Variants in TXNDC9 observed in about 807,000 individuals in gnomAD.
TXNDC9 encodes thioredoxin domain containing 9.
TXNDC9 carries 7 observed loss-of-function variants against 23.0 expected under a neutral mutation model. The ratio of observed to expected loss-of-function variants is 0.30; its 90% CI spans 0.17 to 0.57. TXNDC9 has a LOEUF of 0.57. TXNDC9 is among the 20% of genes least tolerant of loss of function. TXNDC9 has a pLI of 0.90. For missense variants in TXNDC9, 198 were observed against 252.6 expected (o/e 0.78, Z 1.47); for synonymous variants, 72 against 90.6 (o/e 0.79, Z 1.17).
chr2:99,316,978 G>A (rs139723776), downstream of TXNDC9, among the ~76,000 whole-genome samples: 1,951 of 152,136 alleles, frequency 0.013, 41 homozygotes, highest in African/African-American at 0.044. Flanking sequence ...GGACGGTCTC[G>A]ATCTCCCGAC....
At position 99,319,721 on chromosome 2, in the gene TXNDC9, G is replaced by C; in HGVS notation, c.642C>G (p.Ile214Met). 1 of 1,604,436 alleles carries C rather than the reference G, an allele frequency of 6.2e-7. No homozygotes were observed. Among genetic ancestry groups the C allele is most frequent in the Non-Finnish European group, 8.5e-7 (1 of 1,177,046 alleles). The change falls in exon 5 of 5, where the codon ATC becomes ATG. Residue 214 changes from isoleucine (I) to methionine (M), a missense_variant. By Grantham distance (10) the Ile-to-Met change is conservative (BLOSUM62 1). Transcript: ENST00000264255. ...AGTCTGAATCATATTTCTTTCCTCG[G>C]ATAGTTTTCTTTTCCAGCTTTGTGA... ...TNFTKLEKKT[I>M]RGKKYDSDSD...
intron 2 of TXNDC9, among the ~76,000 whole-genome samples, chr2:99,329,332 G>A (rs1003867657): frequency 5.9e-5 from 9 of 152,064 alleles, no homozygotes; most frequent in African/African-American, 2.2e-4. Flanking sequence ...GATTTCTAGA[G>A]TTCCTACTCT....
At chr2:99,327,424 T>G in intron 3 of TXNDC9, 111 bp downstream of exon 3, 1 of 778,374 alleles carries the variant, frequency 1.3e-6, no homozygotes, top group South Asian at 1.7e-5. Flanking sequence ...TGAAACAACT[T>G]AGGAAGTTTT....
chr2:99,335,275 T>C (rs1238994452), intron 1 of TXNDC9, among the ~76,000 whole-genome samples: 2 of 152,210 alleles, frequency 1.3e-5, no homozygotes, highest in African/African-American at 2.4e-5. Flanking sequence ...AGGCCCTCTA[T>C]AAACGTTGAG....
chr2:99,308,110 G>A, the TXNDC9 span, among the ~76,000 whole-genome samples: 1 of 152,192 alleles, frequency 6.6e-6, no homozygotes, highest in Non-Finnish European at 1.5e-5. Context: ...CATTCATGGG[G>A]AAATCTCCAG....
intron 3 of TXNDC9, chr2:99,322,614 G>C (rs941032336): frequency 1.9e-6 from 3 of 1,542,718 alleles, no homozygotes; most frequent in African/African-American, 2.8e-5. Flanking sequence ...AAGAAAAACT[G>C]AACAGCATTA....
chr2:99,328,175 G>A (rs1157979572), intron 2 of TXNDC9, among the ~76,000 whole-genome samples: 1 of 151,682 alleles, frequency 6.6e-6, no homozygotes, highest in Non-Finnish European at 1.5e-5. Flanking sequence ...GCTCACTGCA[G>A]CCTCAAACCT....
chr2:99,310,294 G>C, the TXNDC9 span, among the ~76,000 whole-genome samples: 1 of 152,084 alleles, frequency 6.6e-6, no homozygotes, highest in African/African-American at 2.4e-5. Flanking sequence ...TTCTTTTTTT[G>C]AGTCAGAGTC....
chr2:99,330,876 T>C (rs1321929162), intron 2 of TXNDC9, among the ~76,000 whole-genome samples: 1 of 152,200 alleles, frequency 6.6e-6, no homozygotes, highest in Non-Finnish European at 1.5e-5. Context: ...TTCCAGAAAA[T>C]ATTTTAATAA....
intron 2 of TXNDC9, among the ~76,000 whole-genome samples, chr2:99,331,881 C>T (rs1362462076): frequency 6.6e-6 from 1 of 152,106 alleles, no homozygotes; most frequent in Non-Finnish European, 1.5e-5. Flanking sequence ...AGGTGTGCGC[C>T]ACCACACCTG....
the TXNDC9 span, among the ~76,000 whole-genome samples, chr2:99,309,517 AAAAAG>A: frequency 9.9e-5 from 15 of 152,072 alleles, no homozygotes; most frequent in East Asian, 1.9e-4. Context: ...TCAATTAAAA[AAAAAG>A]AAAAGAAAAG....
At chr2:99,329,414 C>T (rs2094220000) in intron 2 of TXNDC9, among the ~76,000 whole-genome samples, 1 of 152,194 alleles carries the variant, frequency 6.6e-6, no homozygotes, top group African/African-American at 2.4e-5. Context: ...CTGAATCCAG[C>T]CTCCAGAAGG....
intron 3 of TXNDC9, 124 bp downstream of exon 3, chr2:99,327,411 C>T (rs2105323303): frequency 5.6e-6 from 4 of 716,498 alleles, no homozygotes; most frequent in South Asian, 5.5e-5. Flanking sequence ...TGAGAGAGTA[C>T]AATGAAACAA....
intron 2 of TXNDC9, among the ~76,000 whole-genome samples, chr2:99,329,108 T>G (rs935310334): frequency 6.6e-6 from 1 of 152,218 alleles, no homozygotes. Context: ...TATAAATGCT[T>G]AAAAAGTCTC....
chr2:99,334,382 A>T (rs565872228), intron 1 of TXNDC9, among the ~76,000 whole-genome samples: 17 of 152,314 alleles, frequency 1.1e-4, no homozygotes, highest in Admixed American at 9.8e-4. Flanking sequence ...AACCCACAAA[A>T]CAATGAGAAT....
chr2:99,331,816 A>G (rs1167970834), intron 2 of TXNDC9, among the ~76,000 whole-genome samples: 2 of 151,856 alleles, frequency 1.3e-5, no homozygotes, highest in Non-Finnish European at 2.9e-5. Context: ...GGCAACCTCC[A>G]CCTCCCGGGT....
chr2:99,319,818 C>G lies in TXNDC9; in HGVS notation c.564-19G>C. On this transcript the variant is annotated intron_variant, in intron 4 of 4. Coordinates refer to ENST00000264255, the MANE Select transcript of TXNDC9 (RefSeq NM_005783.4). The stretch of plus-strand genomic sequence containing the variant: ...ATTTCCACTTAAAAAAAAAAAAAAG[C>G]ATTTTATTCTTTATGATTTAGTACT... The G allele has an allele frequency of 8.3e-7, 1 of 1,201,568 alleles. No homozygotes were observed. Among genetic ancestry groups the G allele is most frequent in the South Asian group, 1.3e-5 (1 of 74,734 alleles). 74.4% of individuals were successfully genotyped at this position (1,201,568 alleles called of 1,614,324 possible).
At chr2:99,311,787 A>G in the TXNDC9 span, among the ~76,000 whole-genome samples, 1 of 152,250 alleles carries the variant, frequency 6.6e-6, no homozygotes, top group Non-Finnish European at 1.5e-5. Context: ...CTTTATGATC[A>G]GATCCTTATT....
At chr2:99,314,923 TCTCA>T (rs1412539559), downstream of TXNDC9, among the ~76,000 whole-genome samples, 2 of 135,566 alleles carry the variant, frequency 1.5e-5, no homozygotes, top group Non-Finnish European at 1.6e-5. Context: ...TGAGACGGAC[TCTCA>T]CTCTGTCGCC....
Sources: allele counts gnomAD v4.1 joint callset (sites outside exome capture counted in the v4.1 genomes callset), GRCh38; gene constraint gnomAD v4.1.1; transcripts MANE v1.5; gene names NCBI Gene and HGNC (gene_info 2026-07-23, HGNC 2026-07-21).